Variants in CNTN5 observed in about 807,000 individuals in gnomAD.
CNTN5 encodes the protein contactin-5.
In CNTN5, 77 loss-of-function variants were observed where a neutral mutation model predicts 129.1. That is an observed-to-expected ratio of 0.60 (90% CI 0.50 to 0.72). The LOEUF is 0.72. CNTN5 is among the 30% of genes least tolerant of loss of function. The pLI is 0.00. For missense variants in CNTN5, 1,478 were observed against 1,328.8 expected (o/e 1.11, Z -1.75); for synonymous variants, 509 against 465.6 (o/e 1.09, Z -1.20).
intron 1 of CNTN5, among the ~76,000 whole-genome samples, chr11:99,174,897 C>A (rs1372496384): frequency 2.6e-5 from 4 of 152,018 alleles, no homozygotes; most frequent in African/African-American, 7.2e-5. Flanking sequence ...TAATTTCTAT[C>A]TTTAAATTCA....
chr11:99,211,865 T>C (rs1037286919), intron 1 of CNTN5, among the ~76,000 whole-genome samples: 1 of 152,186 alleles, frequency 6.6e-6, no homozygotes, highest in East Asian at 1.9e-4. Context: ...GATCTAAGTC[T>C]ATTCTTTTAC....
At chr11:99,675,800 T>C (rs185560784) in intron 3 of CNTN5, among the ~76,000 whole-genome samples, 22 of 152,314 alleles carry the variant, frequency 1.4e-4, no homozygotes, top group Non-Finnish European at 1.8e-4. Context: ...GCAGTTGTTA[T>C]ATGGGTACTA....
At chr11:99,651,119 T>C (rs1297453786) in intron 3 of CNTN5, among the ~76,000 whole-genome samples, 1 of 151,930 alleles carries the variant, frequency 6.6e-6, no homozygotes, top group Non-Finnish European at 1.5e-5. Context: ...AAAAGGAAAG[T>C]TGCTTAGCAT....
At chr11:100,172,723 G>A (rs576371027) in intron 13 of CNTN5, among the ~76,000 whole-genome samples, 20 of 152,126 alleles carry the variant, frequency 1.3e-4, no homozygotes, top group African/African-American at 4.3e-4. Context: ...AGTGCATTAC[G>A]AATGGAAAAT....
intron 4 of CNTN5, among the ~76,000 whole-genome samples, chr11:99,822,971 C>T (rs1180938748): frequency 2.0e-5 from 3 of 152,218 alleles, no homozygotes; most frequent in African/African-American, 7.2e-5. Flanking sequence ...TATTGACAGG[C>T]CCACTGGGAG....
At chr11:99,900,725 A>G (rs1018610397) in intron 6 of CNTN5, among the ~76,000 whole-genome samples, 2 of 152,070 alleles carry the variant, frequency 1.3e-5, no homozygotes, top group East Asian at 1.9e-4. Context: ...ATTTGCCACT[A>G]TATGTTTTAA....
chr11:99,632,186 A>G (rs1421639466), intron 3 of CNTN5, among the ~76,000 whole-genome samples: 1 of 152,160 alleles, frequency 6.6e-6, no homozygotes, highest in Non-Finnish European at 1.5e-5. Flanking sequence ...TTGTCTTACA[A>G]TTTAGTGCTA....
At position 100,082,204 on chromosome 11, in the gene CNTN5, G is replaced by A. The variant is rs1452863192; in HGVS notation, c.1580+7910G>A. On this transcript the variant is annotated intron_variant, in intron 13 of 24. Transcript: ENST00000524871. Reference sequence around the variant, plus strand: ...GCTGAAAGCATTCTAAATCATGGTGGCAACGCAAGTAAATATAGTCATAGT... The same window carrying A: ...GCTGAAAGCATTCTAAATCATGGTGACAACGCAAGTAAATATAGTCATAGT... Among the ~76,000 whole-genome samples the A allele has an allele frequency of 1.3e-5, 2 of 152,132 alleles. 1 individual carries two copies. The highest frequency in any genetic ancestry group is 4.8e-5 in the African/African-American group (2 of 41,438).
intron 7 of CNTN5, among the ~76,000 whole-genome samples, chr11:99,934,208 C>A (rs1032215175): frequency 6.6e-6 from 1 of 152,140 alleles, no homozygotes; most frequent in East Asian, 1.9e-4. Flanking sequence ...AAATATTAGT[C>A]ATACAGATGC....
In CNTN5 at chr11:99,845,121, A is replaced by T. The variant is rs980347349; in HGVS notation, c.436A>T (p.Ser146Cys). The T allele has an allele frequency of 2.5e-6, 4 of 1,613,754 alleles. No individual in the cohort carries two copies. The highest frequency in any genetic ancestry group is 3.4e-6 in the Non-Finnish European group (4 of 1,179,800). The change falls in exon 6 of 25, where the codon AGT (serine) becomes TGT (cysteine). Residue 146 changes from serine to cysteine, a missense_variant. Ser to Cys is a moderately radical substitution (Grantham distance 112). Transcript: ENST00000524871. The stretch of plus-strand genomic sequence containing the variant: ...AAATGGAACAGAAATAGATCTGGAA[A>T]GTGATTATCGCTACAGTTTGATAGA... ...LRNGTEIDLE[S>C]DYRYSLIDGT...
At chr11:99,431,126 T>A (rs1477012986) in intron 2 of CNTN5, among the ~76,000 whole-genome samples, 2 of 151,920 alleles carry the variant, frequency 1.3e-5, no homozygotes, top group Non-Finnish European at 2.9e-5. Flanking sequence ...GTTGGTCAAA[T>A]CTGATGGGAG....
intron 2 of CNTN5, among the ~76,000 whole-genome samples, chr11:99,468,732 C>CTT (rs113029746): frequency 1.6e-4 from 21 of 131,492 alleles, no homozygotes; most frequent in African/African-American, 2.0e-4. Context: ...TTGTTAGAAA[C>CTT]TTTTTTTTTT....
At chr11:100,309,339 T>C in intron 21 of CNTN5, 2 of 983,322 alleles carry the variant, frequency 2.0e-6, no homozygotes, top group Non-Finnish European at 2.4e-6. Flanking sequence ...ATATTTTTAA[T>C]TCTATTTGAG....
intron 13 of CNTN5, among the ~76,000 whole-genome samples, chr11:100,146,405 CAA>C (rs1478411928): frequency 6.6e-6 from 1 of 152,082 alleles, no homozygotes; most frequent in Admixed American, 6.6e-5. Flanking sequence ...TACACACACA[CAA>C]AATTTAAATA....
At chr11:99,807,469 T>C (rs2135504449) in intron 3 of CNTN5, among the ~76,000 whole-genome samples, 1 of 152,318 alleles carries the variant, frequency 6.6e-6, no homozygotes, top group African/African-American at 2.4e-5. Flanking sequence ...ATTAATTAAA[T>C]GCTTCTGAAG....
At chr11:99,803,202 G>T (rs189781288) in intron 3 of CNTN5, among the ~76,000 whole-genome samples, 1 of 152,298 alleles carries the variant, frequency 6.6e-6, no homozygotes, top group East Asian at 1.9e-4. Context: ...GCATGGAGTA[G>T]AGAGGGCCCT....
chr11:100,073,149 C>T (rs757721659), intron 12 of CNTN5, among the ~76,000 whole-genome samples: 4 of 152,004 alleles, frequency 2.6e-5, no homozygotes, highest in East Asian at 1.9e-4. Context: ...AGGGTTCAAG[C>T]GATTCTCTTG....
At chr11:99,108,691 C>T (rs1245278412) in intron 1 of CNTN5, among the ~76,000 whole-genome samples, 1 of 151,962 alleles carries the variant, frequency 6.6e-6, no homozygotes, top group Non-Finnish European at 1.5e-5. Flanking sequence ...TTAAGTAAAG[C>T]TTTCTGTTGA....
chr11:100,250,407 T>A (rs1301596908), intron 16 of CNTN5, among the ~76,000 whole-genome samples: 1 of 152,110 alleles, frequency 6.6e-6, no homozygotes, highest in Non-Finnish European at 1.5e-5. Context: ...TTCTTCATCT[T>A]TCCTTCTACA....
Sources: gnomAD v4.1 joint callset for allele counts (sites outside exome capture counted in the v4.1 genomes callset) on GRCh38, gnomAD v4.1.1 for gene constraint, MANE v1.5 for transcripts, NCBI Gene and HGNC (gene_info 2026-07-23, HGNC 2026-07-21) for gene names.